CD74: variants seen among roughly 807,000 people sequenced by gnomAD.
CD74 encodes CD74 molecule, also known as HLA class II histocompatibility antigen gamma chain.
CD74 carries 20 observed loss-of-function variants against 37.1 expected under a neutral mutation model. That is an observed-to-expected ratio of 0.54 (90% CI 0.38 to 0.78). The LOEUF (loss-of-function observed/expected upper bound fraction) is 0.78. Ranked by LOEUF, CD74 falls within the 30% of genes least tolerant of loss-of-function variation. CD74 has a pLI of 0.00. For missense variants in CD74, 338 were observed against 389.5 expected, an observed-to-expected ratio of 0.87 and a Z score of 1.11; for synonymous variants, 150 against 152.0, an observed-to-expected ratio of 0.99 and a Z score of 0.10.
intron 1 of CD74, among the ~76,000 whole-genome samples, chr5:150,411,074 G>A (rs995616574): frequency 6.6e-6 from 1 of 152,222 alleles, no homozygotes; most frequent in African/African-American, 2.4e-5. Flanking sequence ...ACTTGGGTAA[G>A]TCACTTACCA....
In CD74 at chr5:150,406,188, G is replaced by A. The variant is rs937585168; in HGVS notation, c.441+71C>T. 8 of 1,108,806 alleles carry A rather than the reference G, an allele frequency of 7.2e-6. No homozygotes were observed. The African/African-American group carries it at 1.1e-4, about 15-fold the overall frequency. 68.7% of individuals were successfully genotyped at this position (1,108,806 alleles called of 1,614,324 possible). On this transcript the variant is annotated intron_variant, in intron 4 of 8. Coordinates refer to ENST00000009530, the MANE Select transcript of CD74 (RefSeq NM_001025159.3). ...AGTCTGCCATGAGCCAGGTATACAG[G>A]CCTTGGAGCTTGGCCCGGCCAGGGT... is the stretch of plus-strand genomic sequence containing the variant.
rs946356398 is a variant in CD74, at chr5:150,407,815, G to A, written c.126-491C>T. Among the ~76,000 whole-genome samples the A allele has an allele frequency of 3.3e-5, 5 of 152,030 alleles. No homozygotes were observed. The highest frequency in any genetic ancestry group is 9.7e-5 in the African/African-American group (4 of 41,392). ...GTCGCCCAGGCTGGAGTGCAGTGGC[G>A]CGATCTCGGCTCACTGCAACCTCCA... On this transcript the variant is annotated intron_variant, in intron 1 of 8. Transcript: ENST00000009530. The surrounding 1 kb of genome is among the most constrained non-coding windows in gnomAD (Gnocchi z 4.4).
In CD74 at chr5:150,401,786, G is replaced by C. The variant is rs545429590; in HGVS notation, c.*454C>G. 14 of 611,036 alleles carry C rather than the reference G, an allele frequency of 2.3e-5. No individual in the cohort carries two copies. The East Asian group carries it at 3.8e-4, about 17-fold the overall frequency. 37.9% of individuals were successfully genotyped at this position (611,036 alleles called of 1,614,324 possible). ...CTTGGGGAGTGATGCTGGGGAAAGGGAAGAGAGTGGCTCAGCCTGCAGGTA... is the reference window on the plus strand; with the variant it reads ...CTTGGGGAGTGATGCTGGGGAAAGGCAAGAGAGTGGCTCAGCCTGCAGGTA... On this transcript the variant is annotated 3_prime_UTR_variant, in exon 9 of 9. Transcript: ENST00000009530.
rs2151166775 is a variant in CD74, at chr5:150,402,453, G to T, written c.880+110C>A. 1 of 1,023,428 alleles carries T rather than the reference G, an allele frequency of 9.8e-7. No individual in the cohort carries two copies. The highest frequency in any genetic ancestry group is 1.3e-5 in the South Asian group (1 of 78,232). The allele number at this position is 1,023,428 out of a possible 1,614,324, so 63.4% of individuals were successfully genotyped here. A position where few individuals can be genotyped will look rare whatever the true frequency, so the allele number is the denominator to read the frequency against. On this transcript the variant is annotated intron_variant, in intron 8 of 8. Coordinates refer to ENST00000009530, the MANE Select transcript of CD74 (RefSeq NM_001025159.3). This position sits in a 1 kb window ranked among gnomAD's most constrained non-coding sequence, Gnocchi z 4.2. ...CTTCGTCTGTGAAATGGACATCCCA[G>T]GAATGTTGGAGAGTGGCCCAGCGTC...
In CD74 at chr5:150,402,858, G is replaced by T. The variant is rs989281483; in HGVS notation, c.818-233C>A. On this transcript the variant is annotated intron_variant, in intron 7 of 8. Transcript: ENST00000009530. This position sits in a 1 kb window ranked among gnomAD's most constrained non-coding sequence, Gnocchi z 4.2. ...ACTCCTGGATGCTAGAGGATGGCGC[G>T]TGGATGGATGAAATTCACAGATGAA... Among the ~76,000 whole-genome samples, 2 of 152,244 alleles carry T rather than the reference G, an allele frequency of 1.3e-5. No individual in the cohort carries two copies. The highest frequency in any genetic ancestry group is 2.9e-5 in the Non-Finnish European group (2 of 68,044).
At chr5:150,406,616 A>C (rs1254725510) in intron 3 of CD74, 2 of 588,956 alleles carry the variant, frequency 3.4e-6, no homozygotes, top group Non-Finnish European at 6.1e-6. Flanking sequence ...AGAATGGGAG[A>C]GGACAGTGAG....
chr5:150,410,474 C>T (rs1214336016), intron 1 of CD74, among the ~76,000 whole-genome samples: 1 of 152,120 alleles, frequency 6.6e-6, no homozygotes. Context: ...GAGGGTAAAG[C>T]TCTTGGCTCC....
Position 150,407,135 on chromosome 5 carries a change from T to C in CD74, c.298+17A>G. The C allele has an allele frequency of 6.2e-7, 1 of 1,608,872 alleles. No homozygotes were observed. ...TGGTGGGAGGTGGGGGGTATCAGGA[T>C]GTAGGGGTGCACGCACGCTTGGGAA... On this transcript the variant is annotated intron_variant, in intron 2 of 8. Coordinates refer to ENST00000009530, the MANE Select transcript of CD74 (RefSeq NM_001025159.3). This position sits in a 1 kb window ranked among gnomAD's most constrained non-coding sequence, Gnocchi z 4.4.
chr5:150,407,471 T>A lies in CD74; in HGVS notation c.126-147A>T. 1.6e-6 allele frequency: 1 copy of A among 632,594 alleles called. No individual in the cohort carries two copies. The highest frequency in any genetic ancestry group is 2.7e-6 in the Non-Finnish European group (1 of 371,734). The allele number at this position is 632,594 out of a possible 1,614,324, so 39.2% of individuals were successfully genotyped here. A position where few individuals can be genotyped will look rare whatever the true frequency, so the allele number is the denominator to read the frequency against. On this transcript the variant is annotated intron_variant, in intron 1 of 8. Transcript: ENST00000009530. This position sits in a 1 kb window ranked among gnomAD's most constrained non-coding sequence, Gnocchi z 4.4. The stretch of plus-strand genomic sequence containing the variant: ...AACAATGCATTTGAAGCACAAACAG[T>A]AAGCTGGCTATGGAAACACAGCTTG...
Position 150,408,079 on chromosome 5 carries a change from C to T in CD74, c.126-755G>A, listed in dbSNP as rs1770096236. Among the ~76,000 whole-genome samples, 4 of 151,550 alleles carry T rather than the reference C, an allele frequency of 2.6e-5. No individual in the cohort carries two copies. The South Asian group carries it at 8.3e-4, about 32-fold the overall frequency. On this transcript the variant is annotated intron_variant, in intron 1 of 8. Transcript: ENST00000009530. Reference sequence around the variant, plus strand: ...TTTTTTTTTCTGCTGGCAGGATCAACCAGGTATGTTATTTTTTTTAATTGA... The same window carrying T: ...TTTTTTTTTCTGCTGGCAGGATCAATCAGGTATGTTATTTTTTTTAATTGA...
chr5:150,411,235 C>T (rs1770325058), intron 1 of CD74, among the ~76,000 whole-genome samples: 2 of 152,238 alleles, frequency 1.3e-5, no homozygotes, highest in Admixed American at 1.3e-4. Flanking sequence ...GACAGGTACA[C>T]AGTGGATGAG....
At chr5:150,410,363 G>GAGTCGGTT (rs1315296673) in intron 1 of CD74, among the ~76,000 whole-genome samples, 2 of 152,270 alleles carry the variant, frequency 1.3e-5, no homozygotes, top group Non-Finnish European at 2.9e-5. Flanking sequence ...CCTGGCTCTG[G>GAGTCGGTT]AGTCGGTTAG....
Position 150,412,622 on chromosome 5 carries a change from T to G in CD74, c.125+3A>C. The G allele has an allele frequency of 6.2e-7, 1 of 1,609,120 alleles. No individual in the cohort carries two copies. The highest frequency in any genetic ancestry group is 8.5e-7 in the Non-Finnish European group (1 of 1,177,090). On this transcript the variant is annotated splice_donor_region_variant and intron_variant, in intron 1 of 8. Coordinates refer to ENST00000009530, the MANE Select transcript of CD74 (RefSeq NM_001025159.3). ...TGTGCCCTTTCCTGGTGCTCACACA[T>G]ACCTCTCCGGGGCCCCAGGGCGCCG...
At chr5:150,410,300 T>A (rs1267108548) in intron 1 of CD74, among the ~76,000 whole-genome samples, 1 of 152,106 alleles carries the variant, frequency 6.6e-6, no homozygotes, top group Non-Finnish European at 1.5e-5. Context: ...TCAGGAGGCC[T>A]AAGAACCTAG....
intron 4 of CD74, chr5:150,406,004 C>A: frequency 2.7e-6 from 1 of 368,590 alleles, no homozygotes; most frequent in Non-Finnish European, 5.2e-6. Flanking sequence ...CTCCTGGCCT[C>A]AGGTGATCTG....
chr5:150,407,351 G>C lies in CD74; in HGVS notation c.126-27C>G. The C allele has an allele frequency of 6.3e-7, 1 of 1,581,624 alleles. No homozygotes were observed. Among genetic ancestry groups the C allele is most frequent in the Non-Finnish European group, 8.6e-7 (1 of 1,163,238 alleles). ...TGTGGGAGGTGGGGAGGATAGGTCA[G>C]AGGAGGATCCACAGTGGTGGCTGCC... On this transcript the variant is annotated intron_variant, in intron 1 of 8. Transcript: ENST00000009530. This position sits in a 1 kb window ranked among gnomAD's most constrained non-coding sequence, Gnocchi z 4.4.
At position 150,402,668 on chromosome 5, in the gene CD74, C is replaced by T. The variant is rs748859804; in HGVS notation, c.818-43G>A. The T allele has an allele frequency of 5.2e-6, 8 of 1,536,816 alleles. No homozygotes were observed. The highest frequency in any genetic ancestry group is 7.1e-6 in the Non-Finnish European group (8 of 1,124,540). ...GTCCGTTTGTCACTTGAAGTGCAGC[C>T]TACCTGACCCAAGATGCCTGAGGGC... On this transcript the variant is annotated intron_variant, in intron 7 of 8. Transcript: ENST00000009530. The surrounding 1 kb of genome is among the most constrained non-coding windows in gnomAD (Gnocchi z 4.2).
rs1770057303 is a variant in CD74, at chr5:150,407,622, C to G, written c.126-298G>C. ...CAAAGAGGCATGCTCTTTGTCCTCT[C>G]TGGACCTTAGGGTCCTGCCTGTGCG... On this transcript the variant is annotated intron_variant, in intron 1 of 8. Coordinates refer to ENST00000009530, the MANE Select transcript of CD74 (RefSeq NM_001025159.3). This position sits in a 1 kb window ranked among gnomAD's most constrained non-coding sequence, Gnocchi z 4.4. Among the ~76,000 whole-genome samples, 1 of 152,152 alleles carries G rather than the reference C, an allele frequency of 6.6e-6. No homozygotes were observed. Among genetic ancestry groups the G allele is most frequent in the Non-Finnish European group, 1.5e-5 (1 of 68,020 alleles).
At chr5:150,410,842 A>G (rs1770303553) in intron 1 of CD74, among the ~76,000 whole-genome samples, 2 of 152,176 alleles carry the variant, frequency 1.3e-5, no homozygotes, top group African/African-American at 4.8e-5. Flanking sequence ...TAACTGAATA[A>G]AGGGAAAACT....
Sources: allele counts gnomAD v4.1 joint callset (sites outside exome capture counted in the v4.1 genomes callset), GRCh38; gene constraint gnomAD v4.1.1; non-coding constraint Gnocchi (gnomAD v3.1); transcripts MANE v1.5; gene names NCBI Gene and HGNC (gene_info 2026-07-23, HGNC 2026-07-21).